Variants in IL1R1 observed in about 807,000 individuals in gnomAD.
IL1R1 encodes interleukin 1 receptor type 1, also known as interleukin-1 receptor type 1.
Under a neutral mutation model 50.2 loss-of-function variants are expected in IL1R1, and 22 were observed. The ratio of observed to expected loss-of-function variants is 0.44; its 90% CI spans 0.31 to 0.63. The LOEUF (loss-of-function observed/expected upper bound fraction) is 0.63. IL1R1 is among the 20% of genes least tolerant of loss of function. The pLI, the probability that IL1R1 is intolerant of heterozygous loss-of-function variation, is 0.07. For missense variants in IL1R1, 509 were observed against 676.2 expected, an observed-to-expected ratio of 0.75 and a Z score of 2.74; for synonymous variants, 251 against 236.7, an observed-to-expected ratio of 1.06 and a Z score of -0.55.
At chr2:102,166,795 T>C (rs1685218386) in intron 6 of IL1R1, among the ~76,000 whole-genome samples, 1 of 152,160 alleles carries the variant, frequency 6.6e-6, no homozygotes, top group African/African-American at 2.4e-5. Context: ...CCCAAGGTTA[T>C]TGGGAAGATT....
intron 3 of IL1R1, 73 bp downstream of exon 3, chr2:102,157,858 C>A (rs1684336876): frequency 3.1e-6 from 3 of 960,522 alleles, no homozygotes; most frequent in Non-Finnish European, 4.9e-6. Flanking sequence ...AGTACCTTCC[C>A]TAACAGAGTC....
At chr2:102,104,043 G>A (rs139673948), upstream of IL1R1, among the ~76,000 whole-genome samples, 252 of 151,062 alleles carry the variant, frequency 1.7e-3, no homozygotes, top group African/African-American at 5.6e-3. Context: ...GCTCTCCTAG[G>A]TGGATCTGGC....
intron 8 of IL1R1, 197 bp downstream of exon 8, chr2:102,172,115 T>C (rs997346877): frequency 1.7e-5 from 4 of 235,118 alleles, no homozygotes; most frequent in African/African-American, 7.0e-5. Flanking sequence ...TACTTGTCAT[T>C]GTGGTGCAAA....
chr2:102,086,851 A>T (rs115656557), intron 1 of IL1R1, among the ~76,000 whole-genome samples: 4,352 of 152,236 alleles, frequency 0.029, 206 homozygotes, highest in African/African-American at 0.099. Flanking sequence ...ATTGATACAC[A>T]ACATGTGGAC....
At position 102,153,217 on chromosome 2, in the gene IL1R1, A is replaced by G. The variant is rs540421084; in HGVS notation, c.-83-724A>G. 1.2e-4 allele frequency among the ~76,000 whole-genome samples: 19 copies of G among 152,164 alleles called. No individual in the cohort carries two copies. In the South Asian group the frequency reaches 1.7e-3, roughly 13 times the overall value. On this transcript the variant is annotated intron_variant, in intron 1 of 11. Coordinates refer to ENST00000410023, the MANE Select transcript of IL1R1 (RefSeq NM_000877.4). Reference sequence around the variant, plus strand: ...CTCATTTTTTTCTGGCCTCTAGTACATTTCTTTCTGGCAAAACTCAAGCTC... The same window carrying G: ...CTCATTTTTTTCTGGCCTCTAGTACGTTTCTTTCTGGCAAAACTCAAGCTC...
Position 102,166,172 on chromosome 2 carries a change from C to G in IL1R1, c.546C>G (p.Ile182Met). ...TTAGTGGAGTCAAAGATAGGCTCATCGTGATGAATGTGGCTGAAAAGCATA... is the reference window on the plus strand; with the variant it reads ...TTAGTGGAGTCAAAGATAGGCTCATGGTGATGAATGTGGCTGAAAAGCATA... ...IHFSGVKDRL[I>M]VMNVAEKHRG... The change falls in exon 6 of 12, where the codon ATC (isoleucine) becomes ATG (methionine). Residue 182 changes from isoleucine to methionine, a missense_variant. Coordinates refer to ENST00000410023, the MANE Select transcript of IL1R1 (RefSeq NM_000877.4). 6.2e-7 allele frequency: 1 copy of G among 1,613,690 alleles called. No individual in the cohort carries two copies. The highest frequency in any genetic ancestry group is 8.5e-7 in the Non-Finnish European group (1 of 1,179,754).
exon 1 of IL1R1, chr2:102,070,533 G>C (rs1045276320): frequency 6.6e-6 from 1 of 152,164 alleles, no homozygotes; most frequent in Non-Finnish European, 1.5e-5. Flanking sequence ...AGTCAATGAG[G>C]GTAAGGTTTT....
intron 1 of IL1R1, among the ~76,000 whole-genome samples, chr2:102,076,076 C>T (rs1363268509): frequency 6.6e-6 from 1 of 152,102 alleles, no homozygotes; most frequent in African/African-American, 2.4e-5. Context: ...ATGAGACCCA[C>T]AATACATTTT....
In IL1R1 at chr2:102,083,066, C is replaced by T. The variant is rs367665424; in HGVS notation, c.-84+12533C>T. 4.6e-5 allele frequency among the ~76,000 whole-genome samples: 7 copies of T among 152,156 alleles called. No individual in the cohort carries two copies. In the South Asian group the frequency reaches 1.2e-3, roughly 27 times the overall value. On this transcript the variant is annotated intron_variant, in intron 1 of 11. Coordinates refer to the IL1R1 transcript ENST00000409929. ...AATGGGATGGTAAGCTTCTGTAGGG[C>T]TGGCACGTGACTTTGCACCCCTGAT...
At chr2:102,105,990 AC>A in intron 1 of IL1R1, among the ~76,000 whole-genome samples, 1 of 152,322 alleles carries the variant, frequency 6.6e-6, no homozygotes, top group East Asian at 1.9e-4. Context: ...AGAAAATGGG[AC>A]TGAACCTGAA....
chr2:102,119,474 G>C (rs1681282622), intron 1 of IL1R1, among the ~76,000 whole-genome samples: 1 of 152,226 alleles, frequency 6.6e-6, no homozygotes, highest in Non-Finnish European at 1.5e-5. Flanking sequence ...TCAGAATGCA[G>C]TTGTTGCACT....
At chr2:102,109,486 T>C (rs1269629254) in intron 1 of IL1R1, among the ~76,000 whole-genome samples, 1 of 152,070 alleles carries the variant, frequency 6.6e-6, no homozygotes, top group Non-Finnish European at 1.5e-5. Context: ...GCCTTCTGAG[T>C]CCATGTGCCA....
intron 2 of IL1R1, among the ~76,000 whole-genome samples, chr2:102,154,635 C>G (rs1684002570): frequency 6.6e-6 from 1 of 152,206 alleles, no homozygotes; most frequent in South Asian, 2.1e-4. Flanking sequence ...CCCTCATCCT[C>G]TCTCCCATGA....
chr2:102,093,865 G>C (rs1032644481), intron 1 of IL1R1, among the ~76,000 whole-genome samples: 2 of 152,218 alleles, frequency 1.3e-5, no homozygotes, highest in African/African-American at 4.8e-5. Flanking sequence ...GGGGCAGCAG[G>C]CTCCCGGCAG....
At chr2:102,074,152 T>C (rs988363092) in intron 1 of IL1R1, among the ~76,000 whole-genome samples, 1 of 152,224 alleles carries the variant, frequency 6.6e-6, no homozygotes, top group Non-Finnish European at 1.5e-5. Context: ...AGAATTTTGC[T>C]AGCTGTTTTA....
Position 102,148,719 on chromosome 2 carries a change from G to T in IL1R1, c.-83-5222G>T, listed in dbSNP as rs113372626. Among the ~76,000 whole-genome samples the T allele has an allele frequency of 8.4e-3, 1,280 of 152,344 alleles. 24 individuals are homozygous for T. The highest frequency in any genetic ancestry group is 0.029 in the African/African-American group (1,208 of 41,576). The stretch of plus-strand genomic sequence containing the variant: ...GTGGATTCTAAGCCAGGGCTTGTGT[G>T]AGTATGGAGGTCTAAAGTTTTTTCC... On this transcript the variant is annotated intron_variant, in intron 1 of 11. Coordinates refer to ENST00000410023, the MANE Select transcript of IL1R1 (RefSeq NM_000877.4).
intron 1 of IL1R1, among the ~76,000 whole-genome samples, chr2:102,099,106 G>A (rs539162298): frequency 6.6e-6 from 1 of 152,238 alleles, no homozygotes; most frequent in South Asian, 2.1e-4. Context: ...AATATACATC[G>A]AGGCATTGTG....
chr2:102,122,123 T>C (rs534155437), intron 1 of IL1R1, among the ~76,000 whole-genome samples: 1 of 152,334 alleles, frequency 6.6e-6, no homozygotes, highest in Non-Finnish European at 1.5e-5. Flanking sequence ...TTCCATGCTA[T>C]ACTTTTAAAT....
intron 1 of IL1R1, among the ~76,000 whole-genome samples, chr2:102,131,587 G>A (rs1019954239): frequency 4.6e-5 from 7 of 151,830 alleles, no homozygotes; most frequent in African/African-American, 1.7e-4. Flanking sequence ...GAGATTAATA[G>A]CAGATTAGAT....
Sources: allele counts gnomAD v4.1 joint callset (sites outside exome capture counted in the v4.1 genomes callset), GRCh38; gene constraint gnomAD v4.1.1; transcripts MANE v1.5; gene names NCBI Gene and HGNC (gene_info 2026-07-23, HGNC 2026-07-21).